PCDH9: variants seen among roughly 807,000 people sequenced by gnomAD.
The protein encoded by PCDH9 is protocadherin 9.
Under a neutral mutation model 70.6 loss-of-function variants are expected in PCDH9, and 24 were observed. That is an observed-to-expected ratio of 0.34 (90% CI 0.25 to 0.48). The LOEUF (loss-of-function observed/expected upper bound fraction) is 0.48, where lower values mean the gene tolerates loss of function less well. PCDH9 is among the 20% of genes least tolerant of loss of function. The pLI, the probability that PCDH9 is intolerant of heterozygous loss-of-function variation, is 0.99. For missense variants in PCDH9, 1,281 were observed against 1,503.6 expected (o/e 0.85, Z 2.45); for synonymous variants, 562 against 558.5 (o/e 1.01, Z -0.09).
At chr13:66,890,342 T>A (rs2082074842) in intron 3 of PCDH9, among the ~76,000 whole-genome samples, 1 of 151,998 alleles carries the variant, frequency 6.6e-6, no homozygotes, top group Non-Finnish European at 1.5e-5. Flanking sequence ...ATTCTATGAG[T>A]TCTGAAAAAC....
chr13:66,517,413 C>G (rs1220753763), intron 4 of PCDH9, among the ~76,000 whole-genome samples: 1 of 152,024 alleles, frequency 6.6e-6, no homozygotes, highest in African/African-American at 2.4e-5. Context: ...ACTAAAAATA[C>G]TTTTGAGGAA....
At chr13:67,191,522 T>C (rs1172316763) in intron 2 of PCDH9, among the ~76,000 whole-genome samples, 3 of 152,092 alleles carry the variant, frequency 2.0e-5, no homozygotes, top group African/African-American at 4.8e-5. Flanking sequence ...TATAATCTCG[T>C]ATAAAGTTAG....
At chr13:67,068,415 G>A (rs1379155390) in intron 2 of PCDH9, among the ~76,000 whole-genome samples, 1 of 152,018 alleles carries the variant, frequency 6.6e-6, no homozygotes, top group African/African-American at 2.4e-5. Flanking sequence ...CTGAAATGTG[G>A]TCTCTATCCT....
At chr13:66,872,598 C>T (rs1309667380) in intron 3 of PCDH9, among the ~76,000 whole-genome samples, 1 of 151,976 alleles carries the variant, frequency 6.6e-6, no homozygotes, top group Non-Finnish European at 1.5e-5. Context: ...AAATTGTGTC[C>T]TGTATTTATT....
chr13:67,014,529 C>T (rs761770027), intron 2 of PCDH9, among the ~76,000 whole-genome samples: 8 of 152,084 alleles, frequency 5.3e-5, no homozygotes, highest in Non-Finnish European at 8.8e-5. Context: ...CTACCAAGCA[C>T]ACTTAATCAT....
At chr13:66,516,815 G>A (rs2138598073) in intron 4 of PCDH9, among the ~76,000 whole-genome samples, 1 of 151,876 alleles carries the variant, frequency 6.6e-6, no homozygotes, top group East Asian at 1.9e-4. Flanking sequence ...AATCAAATTT[G>A]TCCTCCTCAT....
chr13:66,526,103 A>C (rs185704245), intron 4 of PCDH9, among the ~76,000 whole-genome samples: 1 of 152,174 alleles, frequency 6.6e-6, no homozygotes, highest in African/African-American at 2.4e-5. Context: ...ACTGATGCTC[A>C]ATAAAAATAA....
intron 2 of PCDH9, among the ~76,000 whole-genome samples, chr13:67,036,494 T>A (rs1289495852): frequency 6.6e-6 from 1 of 152,202 alleles, no homozygotes; most frequent in Admixed American, 6.6e-5. Context: ...AATCATATCA[T>A]GCAACTGGAT....
chr13:66,624,722 A>C lies in PCDH9; in HGVS notation c.3340+6488T>G, dbSNP rs573210958. On this transcript the variant is annotated intron_variant, in intron 4 of 4. Transcript: ENST00000377865. Reference sequence around the variant, plus strand: ...ATGTAATTACTGAAAATCTCTGCTTAATTGCAACTTCATTAGAAACATACT... The same window carrying C: ...ATGTAATTACTGAAAATCTCTGCTTCATTGCAACTTCATTAGAAACATACT... Among the ~76,000 whole-genome samples, 3 of 152,344 alleles carry C rather than the reference A, an allele frequency of 2.0e-5. No homozygotes were observed. The East Asian group carries it at 5.8e-4, about 29-fold the overall frequency.
chr13:66,520,768 G>A (rs527657171), intron 4 of PCDH9, among the ~76,000 whole-genome samples: 1 of 152,226 alleles, frequency 6.6e-6, no homozygotes, highest in East Asian at 1.9e-4. Context: ...ATGATGCTTT[G>A]TGTTTAGGTA....
intron 4 of PCDH9, among the ~76,000 whole-genome samples, chr13:66,441,634 AG>A (rs1356696575): frequency 6.6e-6 from 1 of 152,022 alleles, no homozygotes; most frequent in Non-Finnish European, 1.5e-5. Flanking sequence ...AAAGCTAACG[AG>A]TTCTCTTTAC....
rs183951644 is a variant in PCDH9 at position 66,430,958 on chromosome 13, A to G, written c.3341-125930T>C. 9.2e-5 allele frequency among the ~76,000 whole-genome samples: 14 copies of G among 152,216 alleles called. 1 individual carries two copies. The East Asian group carries it at 2.3e-3, about 25-fold the overall frequency. ...CATTCACAAATAAATTTGCAAATCT[A>G]CAGTCCAGCTATGAGGCATACTTTG... On this transcript the variant is annotated intron_variant, in intron 4 of 4. Coordinates refer to ENST00000377865, the MANE Select transcript of PCDH9 (RefSeq NM_203487.3).
chr13:66,883,792 A>T (rs909388521), intron 3 of PCDH9, among the ~76,000 whole-genome samples: 1 of 151,780 alleles, frequency 6.6e-6, no homozygotes, highest in African/African-American at 2.4e-5. Flanking sequence ...CTCATTGGAC[A>T]TTGTTTGAGA....
At chr13:66,841,374 T>C (rs561604078) in intron 3 of PCDH9, among the ~76,000 whole-genome samples, 7 of 152,298 alleles carry the variant, frequency 4.6e-5, no homozygotes, top group Admixed American at 1.3e-4. Flanking sequence ...TTTTCATGTT[T>C]AACTAAGTGA....
At chr13:67,022,187 A>G (rs2084691057) in intron 2 of PCDH9, among the ~76,000 whole-genome samples, 1 of 113,716 alleles carries the variant, frequency 8.8e-6, no homozygotes, top group African/African-American at 3.4e-5. Context: ...CTGGAGTGCA[A>G]TGGTGTGATC....
At chr13:66,369,648 A>G (rs1380788018) in intron 4 of PCDH9, among the ~76,000 whole-genome samples, 1 of 152,154 alleles carries the variant, frequency 6.6e-6, no homozygotes. Context: ...GGGGCAAAGA[A>G]TAGAGGGAGA....
intron 2 of PCDH9, among the ~76,000 whole-genome samples, chr13:67,043,118 G>A (rs1273414490): frequency 2.6e-5 from 4 of 152,136 alleles, no homozygotes; most frequent in Non-Finnish European, 5.9e-5. Context: ...AAATGTCTTA[G>A]ATGTCATGCA....
Position 66,638,400 on chromosome 13 carries a change from A to C in PCDH9, c.3139-6989T>G, listed in dbSNP as rs374424310. Among the ~76,000 whole-genome samples, 5 of 152,338 alleles carry C rather than the reference A, an allele frequency of 3.3e-5. No individual in the cohort carries two copies. In the South Asian group the frequency reaches 6.2e-4, roughly 19 times the overall value. On this transcript the variant is annotated intron_variant, in intron 3 of 4. Coordinates refer to ENST00000377865, the MANE Select transcript of PCDH9 (RefSeq NM_203487.3). ...AAGAAAAAAAAGGCGAAGGGACTGT[A>C]TTCTGAGTTTATGCCAAAACAATCT...
At chr13:66,573,028 T>C (rs530967059) in intron 4 of PCDH9, among the ~76,000 whole-genome samples, 1 of 152,280 alleles carries the variant, frequency 6.6e-6, no homozygotes, top group African/African-American at 2.4e-5. Flanking sequence ...CCATAATGGC[T>C]GTACTAATTT....
Sources: gnomAD v4.1 joint callset for allele counts (sites outside exome capture counted in the v4.1 genomes callset) on GRCh38, gnomAD v4.1.1 for gene constraint, MANE v1.5 for transcripts, NCBI Gene and HGNC (gene_info 2026-07-23, HGNC 2026-07-21) for gene names.